Variants in NEXN observed in about 807,000 individuals in gnomAD.
NEXN encodes nexilin.
Under a neutral mutation model 92.6 loss-of-function variants are expected in NEXN, and 65 were observed. The observed-to-expected ratio is 0.70, with a 90% CI of 0.57 to 0.86. The LOEUF (loss-of-function observed/expected upper bound fraction) is 0.86, where lower values mean the gene tolerates loss of function less well. Among genes scored for constraint, NEXN ranks in the 40% least tolerant of loss-of-function variants. The pLI, the probability that NEXN is intolerant of heterozygous loss-of-function variation, is 0.00. For missense variants in NEXN, 778 were observed against 771.1 expected (o/e 1.01, Z -0.11); for synonymous variants, 254 against 242.5 (o/e 1.05, Z -0.44).
intron 1 of NEXN, among the ~76,000 whole-genome samples, chr1:77,912,366 A>G (rs977829869): frequency 2.0e-5 from 3 of 152,006 alleles, no homozygotes. Context: ...TAAGATATTA[A>G]TTCTCCCTAG....
intron 1 of NEXN, among the ~76,000 whole-genome samples, chr1:77,903,228 A>G (rs1647855073): frequency 6.6e-6 from 1 of 152,016 alleles, no homozygotes; most frequent in African/African-American, 2.4e-5. Context: ...AAGAAATGAA[A>G]AAAAAAAAAG....
At chr1:77,895,823 C>G (rs1571065776) in intron 1 of NEXN, among the ~76,000 whole-genome samples, 1 of 152,028 alleles carries the variant, frequency 6.6e-6, no homozygotes, top group South Asian at 2.1e-4. Context: ...TGAGATAGTG[C>G]CATTGCACTC....
At chr1:77,896,837 G>A (rs550524373) in intron 1 of NEXN, among the ~76,000 whole-genome samples, 3 of 151,684 alleles carry the variant, frequency 2.0e-5, no homozygotes, top group African/African-American at 4.8e-5. Context: ...TATCACCACC[G>A]ATCCCACAGA....
intron 11 of NEXN, among the ~76,000 whole-genome samples, chr1:77,936,859 T>A (rs992818367): frequency 6.6e-6 from 1 of 152,148 alleles, no homozygotes; most frequent in Admixed American, 6.5e-5. Context: ...GGAGACTGAA[T>A]AAAAGGACAG....
chr1:77,941,946 A>C, intron 11 of NEXN, 77 bp from the exon 12 acceptor site: 2 of 1,428,428 alleles, frequency 1.4e-6, no homozygotes, highest in Admixed American at 1.9e-5. Context: ...TTGTGCTTCT[A>C]AACACCTTTA....
intron 1 of NEXN, among the ~76,000 whole-genome samples, chr1:77,906,240 T>C (rs1648103635): frequency 6.6e-6 from 1 of 152,136 alleles, no homozygotes; most frequent in Non-Finnish European, 1.5e-5. Flanking sequence ...AACTGTTCAT[T>C]TTATTTGGCA....
At chr1:77,915,488 A>G (rs915564518) in intron 1 of NEXN, among the ~76,000 whole-genome samples, 8 of 150,642 alleles carry the variant, frequency 5.3e-5, no homozygotes, top group African/African-American at 1.7e-4. Flanking sequence ...AATTAGCCGG[A>G]CGTGGCGGCA....
chr1:77,928,288 G>T (rs1292781207), intron 8 of NEXN, among the ~76,000 whole-genome samples: 2 of 150,170 alleles, frequency 1.3e-5, no homozygotes, highest in African/African-American at 4.9e-5. Context: ...TCCAGCCTGG[G>T]TGACAGAGTG....
intron 5 of NEXN, among the ~76,000 whole-genome samples, chr1:77,920,264 C>T (rs1479912912): frequency 6.6e-6 from 1 of 152,104 alleles, no homozygotes. Flanking sequence ...TTCCACTGTA[C>T]TCCAATATAA....
intron 5 of NEXN, among the ~76,000 whole-genome samples, chr1:77,922,894 C>T (rs1466412598): frequency 6.6e-6 from 1 of 151,814 alleles, no homozygotes; most frequent in African/African-American, 2.4e-5. Context: ...AGCGCCTGGC[C>T]ACAAAATTAT....
chr1:77,908,657 C>A (rs947264678), intron 1 of NEXN, among the ~76,000 whole-genome samples: 1 of 152,094 alleles, frequency 6.6e-6, no homozygotes, highest in Non-Finnish European at 1.5e-5. Context: ...GCCTCAACCT[C>A]CCAAAGTGCT....
At chr1:77,942,233 T>C in intron 12 of NEXN, 25 bp downstream of exon 12, 1 of 1,606,972 alleles carries the variant, frequency 6.2e-7, no homozygotes, top group Non-Finnish European at 8.5e-7. Flanking sequence ...TATCCTTTAT[T>C]TTCCAAAGAT....
chr1:77,895,409 A>G (rs1359597703), intron 1 of NEXN, among the ~76,000 whole-genome samples: 1 of 152,180 alleles, frequency 6.6e-6, no homozygotes, highest in Non-Finnish European at 1.5e-5. Flanking sequence ...ATAAAGTTAC[A>G]TTATACCTAA....
rs1649122001 is a variant in NEXN at position 77,918,106 on chromosome 1, T to C, written c.299-19T>C. 1 of 1,613,628 alleles carries C rather than the reference T, an allele frequency of 6.2e-7. No homozygotes were observed. Among genetic ancestry groups the C allele is most frequent in the African/African-American group, 1.3e-5 (1 of 75,008 alleles). ...AGAAACATAACCAAGTATCAAACTTTTTTTTCATATATTTTTAGGAACTGT... is the reference window on the plus strand; with the variant it reads ...AGAAACATAACCAAGTATCAAACTTCTTTTTCATATATTTTTAGGAACTGT... On this transcript the variant is annotated intron_variant, in intron 4 of 12. Coordinates refer to ENST00000334785, the MANE Select transcript of NEXN (RefSeq NM_144573.4).
intron 1 of NEXN, among the ~76,000 whole-genome samples, chr1:77,908,905 T>C (rs1431582403): frequency 1.3e-5 from 2 of 152,202 alleles, no homozygotes; most frequent in Non-Finnish European, 2.9e-5. Context: ...TGGATTTAGG[T>C]CTGATTACCA....
chr1:77,929,290 T>C (rs976464438), intron 8 of NEXN, 26 bp from the exon 9 acceptor site: 4 of 1,459,584 alleles, frequency 2.7e-6, no homozygotes, highest in Middle Eastern at 3.5e-4. Flanking sequence ...CCTCAATTCT[T>C]AGTAATGAAT....
intron 1 of NEXN, among the ~76,000 whole-genome samples, chr1:77,896,698 G>T (rs1416360978): frequency 6.6e-6 from 1 of 151,946 alleles, no homozygotes; most frequent in African/African-American, 2.4e-5. Context: ...GGCAGAGGTT[G>T]CAGTGAGCTG....
chr1:77,904,322 A>G (rs1196139504), intron 1 of NEXN, among the ~76,000 whole-genome samples: 1 of 152,144 alleles, frequency 6.6e-6, no homozygotes, highest in East Asian at 1.9e-4. Flanking sequence ...AAACCACCTT[A>G]TTAACATATG....
chr1:77,931,585 C>T (rs1338294039), intron 9 of NEXN: 1 of 152,062 alleles, frequency 6.6e-6, no homozygotes, highest in Admixed American at 6.5e-5. Context: ...ACCAAGTTTC[C>T]TAAAGACATT....
Sources: gnomAD v4.1 joint callset for allele counts (sites outside exome capture counted in the v4.1 genomes callset) on GRCh38, gnomAD v4.1.1 for gene constraint, MANE v1.5 for transcripts, NCBI Gene and HGNC (gene_info 2026-07-23, HGNC 2026-07-21) for gene names.